Variants in RAP1GAP2 observed in about 807,000 individuals in gnomAD.
The protein encoded by RAP1GAP2 is RAP1 GTPase activating protein 2, also known as rap1 GTPase-activating protein 2.
In RAP1GAP2, 27 loss-of-function variants were observed where a neutral mutation model predicts 95.0. That is an observed-to-expected ratio of 0.28 (90% CI 0.21 to 0.39). The LOEUF (loss-of-function observed/expected upper bound fraction) is 0.39, where lower values mean the gene tolerates loss of function less well. RAP1GAP2 is among the 10% of genes least tolerant of loss of function. The pLI is 1.00. For synonymous variants in RAP1GAP2, 373 were observed against 380.9 expected, an observed-to-expected ratio of 0.98 and a Z score of 0.24; for missense variants, 771 against 970.0, an observed-to-expected ratio of 0.79 and a Z score of 2.72.
chr17:2,947,711 C>G (rs1376733856), intron 3 of RAP1GAP2, among the ~76,000 whole-genome samples: 2 of 151,788 alleles, frequency 1.3e-5, no homozygotes, highest in Admixed American at 1.3e-4. Context: ...ACTTCTGGAC[C>G]GGTAGCGGAG....
At chr17:2,848,162 C>T (rs1010197982) in intron 2 of RAP1GAP2, among the ~76,000 whole-genome samples, 1 of 152,150 alleles carries the variant, frequency 6.6e-6, no homozygotes, top group Non-Finnish European at 1.5e-5. Flanking sequence ...AGGGTGCCCG[C>T]CACTGAGTGG....
At chr17:2,859,272 G>A (rs1413860041) in intron 2 of RAP1GAP2, among the ~76,000 whole-genome samples, 1 of 151,378 alleles carries the variant, frequency 6.6e-6, no homozygotes, top group Non-Finnish European at 1.5e-5. Flanking sequence ...CACTACGGCC[G>A]GCTAATTTTT....
At chr17:2,760,984 C>A (rs753408182) in intron 1 of RAP1GAP2, among the ~76,000 whole-genome samples, 1 of 151,628 alleles carries the variant, frequency 6.6e-6, no homozygotes, top group Non-Finnish European at 1.5e-5. Context: ...GACACAGTTT[C>A]ACTCTTGTTG....
intron 2 of RAP1GAP2, among the ~76,000 whole-genome samples, chr17:2,801,150 GAC>G (rs2069275391): frequency 6.6e-6 from 1 of 150,824 alleles, no homozygotes; most frequent in South Asian, 2.1e-4. Flanking sequence ...GCCTAGCCCA[GAC>G]CCATTATCTT....
At chr17:2,931,399 A>ACG (rs1261451394) in intron 3 of RAP1GAP2, among the ~76,000 whole-genome samples, 3 of 151,650 alleles carry the variant, frequency 2.0e-5, no homozygotes, top group Non-Finnish European at 4.4e-5. Flanking sequence ...ATATTGTGGG[A>ACG]CGCCACGTTG....
intron 1 of RAP1GAP2, among the ~76,000 whole-genome samples, chr17:2,756,713 T>C (rs989838029): frequency 2.0e-5 from 3 of 152,060 alleles, no homozygotes; most frequent in African/African-American, 7.2e-5. Flanking sequence ...TGAACAATAA[T>C]GTCATCAATA....
chr17:2,836,361 G>A (rs1385888385), intron 2 of RAP1GAP2, among the ~76,000 whole-genome samples: 1 of 152,172 alleles, frequency 6.6e-6, no homozygotes, highest in Non-Finnish European at 1.5e-5. Context: ...GCCGGGTGCA[G>A]TGGCTCACAC....
intron 21 of RAP1GAP2, among the ~76,000 whole-genome samples, 169 bp downstream of exon 21, chr17:3,026,633 A>G (rs1230141590): frequency 6.6e-6 from 1 of 152,214 alleles, no homozygotes; most frequent in African/African-American, 2.4e-5. Context: ...CCCTGGGCGC[A>G]GTGGGTGAGG....
At chr17:2,956,943 A>G (rs1026100191) in intron 3 of RAP1GAP2, among the ~76,000 whole-genome samples, 1 of 152,112 alleles carries the variant, frequency 6.6e-6, no homozygotes, top group Admixed American at 6.5e-5. Context: ...CCTGGCCAAC[A>G]TAGTGAAACC....
chr17:2,951,611 G>A (rs2043926165), intron 3 of RAP1GAP2, among the ~76,000 whole-genome samples: 1 of 152,072 alleles, frequency 6.6e-6, no homozygotes, highest in Non-Finnish European at 1.5e-5. Flanking sequence ...CCTGCTACTT[G>A]GGAGGCTGGG....
At chr17:2,807,299 A>G (rs1355845406) in intron 2 of RAP1GAP2, among the ~76,000 whole-genome samples, 1 of 152,178 alleles carries the variant, frequency 6.6e-6, no homozygotes, top group Non-Finnish European at 1.5e-5. Context: ...ACTGTAGATT[A>G]CAAGAATTCT....
rs192188623 is a variant in RAP1GAP2 at position 2,976,151 on chromosome 17, A to G, written c.597-4136A>G. Among the ~76,000 whole-genome samples, 386 of 152,358 alleles carry G rather than the reference A, an allele frequency of 2.5e-3. 2 individuals carry two copies. Among genetic ancestry groups the G allele is most frequent in the Non-Finnish European group, 3.5e-3 (235 of 68,038 alleles). On this transcript the variant is annotated intron_variant, in intron 8 of 24. Transcript: ENST00000254695. The stretch of plus-strand genomic sequence containing the variant: ...TGAGTTATAGTGGGAGATTTTGACA[A>G]CATTGCTGAGAACCCGGTGGATTGA...
chr17:2,769,465 G>A (rs959680007), intron 1 of RAP1GAP2, among the ~76,000 whole-genome samples: 1 of 151,454 alleles, frequency 6.6e-6, no homozygotes, highest in African/African-American at 2.4e-5. Flanking sequence ...TGAGGCGGGA[G>A]AATGGCGTGA....
At chr17:2,936,216 C>T (rs2043306547) in intron 3 of RAP1GAP2, among the ~76,000 whole-genome samples, 1 of 149,412 alleles carries the variant, frequency 6.7e-6, no homozygotes, top group Non-Finnish European at 1.5e-5. Context: ...ATTAACTCGT[C>T]ATTTAGCATT....
At chr17:2,819,599 G>T (rs2070192153) in intron 2 of RAP1GAP2, among the ~76,000 whole-genome samples, 1 of 151,600 alleles carries the variant, frequency 6.6e-6, no homozygotes, top group Non-Finnish European at 1.5e-5. Flanking sequence ...TCAGCCTCCT[G>T]GGTAGCTGGG....
At chr17:2,768,314 A>G (rs1051263668) in intron 1 of RAP1GAP2, among the ~76,000 whole-genome samples, 3 of 152,212 alleles carry the variant, frequency 2.0e-5, no homozygotes, top group Non-Finnish European at 4.4e-5. Flanking sequence ...TTATACATGT[A>G]TTTATGTGAT....
rs551456229 is a variant in RAP1GAP2, at chr17:2,995,256, A to C, written c.915-81A>C. The C allele has an allele frequency of 2.1e-4, 318 of 1,494,254 alleles. 1 individual carries two copies. The South Asian group carries it at 3.3e-3, about 16-fold the overall frequency. The allele number at this position is 1,494,254 out of a possible 1,614,324, so 92.6% of individuals were successfully genotyped here. On this transcript the variant is annotated intron_variant, in intron 12 of 24. Transcript: ENST00000254695. ...CTCTGCTGCGTATCCTCTGCTGCGTATACTTAGGGGAGCTTGCATTAAGTT... is the reference window on the plus strand; with the variant it reads ...CTCTGCTGCGTATCCTCTGCTGCGTCTACTTAGGGGAGCTTGCATTAAGTT...
chr17:3,028,269 A>G (rs1439800962), intron 22 of RAP1GAP2, among the ~76,000 whole-genome samples: 1 of 152,142 alleles, frequency 6.6e-6, no homozygotes, highest in Non-Finnish European at 1.5e-5. Flanking sequence ...ACAATAGTGT[A>G]GTCAGCGGTT....
chr17:2,794,858 G>A (rs1243278294), upstream of RAP1GAP2, among the ~76,000 whole-genome samples: 1 of 148,200 alleles, frequency 6.7e-6, no homozygotes, highest in East Asian at 2.0e-4. Context: ...ACCAGCTAGG[G>A]CCGTTTTTTT....
Sources: allele counts gnomAD v4.1 joint callset (sites outside exome capture counted in the v4.1 genomes callset), GRCh38; gene constraint gnomAD v4.1.1; transcripts MANE v1.5; gene names NCBI Gene and HGNC (gene_info 2026-07-23, HGNC 2026-07-21).